ADAMTSL4: variants seen among roughly 807,000 people sequenced by gnomAD.
The protein encoded by ADAMTSL4 is ADAMTS-like protein 4.
A neutral mutation model predicts 122.8 loss-of-function variants in ADAMTSL4; 97 were observed. The observed-to-expected ratio is 0.79, with a 90% confidence interval of 0.67 to 0.93. ADAMTSL4 has a LOEUF of 0.93. Among genes scored for constraint, ADAMTSL4 ranks in the 40% least tolerant of loss-of-function variants. ADAMTSL4 has a pLI of 0.00. For missense variants in ADAMTSL4, 1,408 were observed against 1,453.5 expected, an observed-to-expected ratio of 0.97 and a Z score of 0.51; for synonymous variants, 592 against 568.0, an observed-to-expected ratio of 1.04 and a Z score of -0.60.
chr1:150,555,736 C>G (rs1465836504), intron 8 of ADAMTSL4, among the ~76,000 whole-genome samples, 171 bp downstream of exon 8: 1 of 133,604 alleles, frequency 7.5e-6, no homozygotes, highest in East Asian at 2.2e-4. Context: ...CACACACGCA[C>G]ACACACGCAT....
intron 2 of ADAMTSL4, chr1:150,551,956 T>C (rs1299078981): frequency 3.5e-5 from 13 of 368,262 alleles, no homozygotes; most frequent in Non-Finnish European, 4.9e-5. Context: ...TAGGTAGGAT[T>C]TGGGGAGGAG....
Position 150,557,492 on chromosome 1 carries a change from A to G in ADAMTSL4, c.2048-2A>G. On this transcript the variant is annotated splice_acceptor_variant, in intron 12 of 18. Transcript: ENST00000271643. LOFTEE classifies it high-confidence loss of function. ...TCCCTGGCTGCCTTCTCACCCACTC[A>G]GGTGTCTGGCGCCCCATTTTCCTCT... The G allele has an allele frequency of 6.2e-7, 1 of 1,613,010 alleles. No homozygotes were observed. Among genetic ancestry groups the G allele is most frequent in the African/African-American group, 1.3e-5 (1 of 75,000 alleles).
rs2101625145 is a variant in ADAMTSL4 at position 150,556,424 on chromosome 1, T to C, written c.1576+58T>C. The C allele has an allele frequency of 1.2e-6, 2 of 1,603,618 alleles. No individual in the cohort carries two copies. Among genetic ancestry groups the C allele is most frequent in the Non-Finnish European group, 1.7e-6 (2 of 1,173,294 alleles). On this transcript the variant is annotated intron_variant, in intron 9 of 18. Coordinates refer to ENST00000271643, the MANE Select transcript of ADAMTSL4 (RefSeq NM_019032.6). The surrounding 1 kb of genome is among the most constrained non-coding windows in gnomAD (Gnocchi z 4.1). ...GTCTCTGTTCGGCCCTCCATACCCC[T>C]ACTCAGAGCAGTGAGCAAGCCAAAC...
Position 150,560,563 on chromosome 1 carries a change from CTACT to C in ADAMTSL4, c.*370_*373del, listed in dbSNP as rs1672661967. On this transcript the variant is annotated 3_prime_UTR_variant, in exon 19 of 19. Transcript: ENST00000271643. ...GTCTGCAGTTCCTTGCTAATCTGAG[CTACT>C]TAGAGTGTGGTCTCCCCACCAACTC... is the stretch of plus-strand genomic sequence containing the variant. The C allele has an allele frequency of 1.3e-5, 4 of 313,412 alleles. No individual in the cohort carries two copies. Among genetic ancestry groups the C allele is most frequent in the South Asian group, 1.0e-4 (3 of 28,990 alleles). The allele number at this position is 313,412 out of a possible 1,614,324, so 19.4% of individuals were successfully genotyped here.
In ADAMTSL4 at chr1:150,556,586, C is replaced by T. The variant is rs587757344; in HGVS notation, c.1577-35C>T. On this transcript the variant is annotated intron_variant, in intron 9 of 18. Coordinates refer to ENST00000271643, the MANE Select transcript of ADAMTSL4 (RefSeq NM_019032.6). This position sits in a 1 kb window ranked among gnomAD's most constrained non-coding sequence, Gnocchi z 4.1. Reference sequence around the variant, plus strand: ...GTGGGAGGAGGAAGGTATTATCACCCTGGAATTTCCCGATCTCTCACCTCT... The same window carrying T: ...GTGGGAGGAGGAAGGTATTATCACCTTGGAATTTCCCGATCTCTCACCTCT... 2 of 1,613,604 alleles carry T rather than the reference C, an allele frequency of 1.2e-6. No individual in the cohort carries two copies. Among genetic ancestry groups the T allele is most frequent in the Admixed American group, 1.7e-5 (1 of 60,018 alleles).
At chr1:150,551,120 T>A in intron 2 of ADAMTSL4, 2 of 411,514 alleles carry the variant, frequency 4.9e-6, no homozygotes, top group South Asian at 3.5e-5. Flanking sequence ...GCCTCACTTC[T>A]CCAGTGTTCA....
rs149280379 is a variant in ADAMTSL4 at position 150,558,030 on chromosome 1, G to T, written c.2263G>T (p.Gly755Trp). 148 of 1,609,582 alleles carry T rather than the reference G, an allele frequency of 9.2e-5. 1 individual carries two copies. Among genetic ancestry groups the T allele is most frequent in the Admixed American group, 1.5e-4 (9 of 59,852 alleles). Residue 755 changes from glycine to tryptophan, a missense_variant, in exon 14 of 19, where the codon GGG (glycine) becomes TGG (tryptophan). Gly to Trp is a radical substitution (Grantham distance 184, BLOSUM62 -2). Coordinates refer to ENST00000271643, the MANE Select transcript of ADAMTSL4 (RefSeq NM_019032.6). Reference protein sequence around the residue: ...HRQLQCRQEFGGGGSSVPPER... With the variant: ...HRQLQCRQEFWGGGSSVPPER... ...CCAGCTGCAGTGCCGGCAGGAATTT[G>T]GGGGGGGTGGCTCCTCGGTGCCCCC...
In ADAMTSL4 at chr1:150,554,253, G is replaced by A. The variant is rs1250749257; in HGVS notation, c.1132-112G>A. ...TGGCATCTGACCACCTCAGGGCAGG[G>A]GTCTTGGAGCTCTTCCGCTGACCTG... On this transcript the variant is annotated intron_variant, in intron 6 of 18. Coordinates refer to ENST00000271643, the MANE Select transcript of ADAMTSL4 (RefSeq NM_019032.6). The surrounding 1 kb of genome is among the most constrained non-coding windows in gnomAD (Gnocchi z 4.0). 5 of 1,438,046 alleles carry A rather than the reference G, an allele frequency of 3.5e-6. No homozygotes were observed. The Admixed American group carries it at 5.1e-5, about 15-fold the overall frequency. The allele number at this position is 1,438,046 out of a possible 1,614,324, so 89.1% of individuals were successfully genotyped here.
intron 2 of ADAMTSL4, chr1:150,550,821 C>G (rs1238576756): frequency 2.2e-6 from 1 of 456,506 alleles, no homozygotes; most frequent in Admixed American, 2.3e-5. Context: ...TGACCCCTCC[C>G]TCAAATTCCG....
Position 150,553,144 on chromosome 1 carries a change from G to T in ADAMTSL4, c.325G>T (p.Glu109Ter), listed in dbSNP as rs1253076477. The change falls in exon 5 of 19, where the codon GAA (glutamate) becomes TAA (stop). Residue 109 changes from glutamate to a stop codon, truncating the protein, a stop_gained. Coordinates refer to ENST00000271643, the MANE Select transcript of ADAMTSL4 (RefSeq NM_019032.6). LOFTEE classifies it high-confidence loss of function. Reference protein sequence around the residue: ...GQGPRPQTSPETLPLYRTQSR... With the variant: ...GQGPRPQTSP ...GGGTCCCAGACCCCAGACTTCTCCA[G>T]AAACCCTCCCCTTGTACAGGACACA... 5.0e-6 allele frequency: 8 copies of T among 1,612,824 alleles called. No individual in the cohort carries two copies. The highest frequency in any genetic ancestry group is 6.8e-6 in the Non-Finnish European group (8 of 1,179,656).
rs1179389891 is a variant in ADAMTSL4 at position 150,553,797 on chromosome 1, TAGG to T, written c.809_811del (p.Gly270del). On this transcript the variant is annotated inframe_deletion, in exon 6 of 19. Coordinates refer to ENST00000271643, the MANE Select transcript of ADAMTSL4 (RefSeq NM_019032.6). ...GAGCCCCCCTCACCCACGCACTCCT[TAGG>T]AGAAGGTGGCTTCTTCCGTGCATCC... is the stretch of plus-strand genomic sequence containing the variant. 3.7e-6 allele frequency: 6 copies of T among 1,613,540 alleles called. No homozygotes were observed. In the African/African-American group the frequency reaches 4.0e-5, roughly 11 times the overall value.
chr1:150,553,412 A>T lies in ADAMTSL4; in HGVS notation c.435-14A>T, dbSNP rs1245572407. On this transcript the variant is annotated splice_polypyrimidine_tract_variant and intron_variant, in intron 5 of 18. Transcript: ENST00000271643. ...GGTCAGAGCTGTGCCCCCACATCTG[A>T]AACACCTTCTCAGGTCCCGGCTTCG... The T allele has an allele frequency of 1.2e-6, 2 of 1,613,566 alleles. No homozygotes were observed.
At position 150,559,932 on chromosome 1, in the gene ADAMTSL4, C is replaced by T; in HGVS notation, c.3088+27C>T. 1 of 1,613,830 alleles carries T rather than the reference C, an allele frequency of 6.2e-7. No homozygotes were observed. Among genetic ancestry groups the T allele is most frequent in the Non-Finnish European group, 8.5e-7 (1 of 1,180,020 alleles). The stretch of plus-strand genomic sequence containing the variant: ...TAAAGAGCCCCCTCTCCCCAATCCC[C>T]AATACAGTGGATTAGCTGAAGTATG... On this transcript the variant is annotated intron_variant, in intron 18 of 18. Coordinates refer to ENST00000271643, the MANE Select transcript of ADAMTSL4 (RefSeq NM_019032.6). This position sits in a 1 kb window ranked among gnomAD's most constrained non-coding sequence, Gnocchi z 4.1.
Position 150,558,542 on chromosome 1 carries a change from G to C in ADAMTSL4, c.2452G>C (p.Val818Leu). The C allele has an allele frequency of 6.2e-7, 1 of 1,613,914 alleles. No homozygotes were observed. The highest frequency in any genetic ancestry group is 1.1e-5 in the South Asian group (1 of 91,084). Reference sequence around the variant, plus strand: ...CTGTGTTGGGAACAATGGTGATGAAGTGAGCGAGCAGGAGTGTGCGTCAGG... The same window carrying C: ...CTGTGTTGGGAACAATGGTGATGAACTGAGCGAGCAGGAGTGTGCGTCAGG... ...VRCVGNNGDEVSEQECASGPP... is the reference protein window; with the variant it reads ...VRCVGNNGDELSEQECASGPP... The change falls in exon 15 of 19, where the codon GTG becomes CTG. Residue 818 changes from valine (V) to leucine (L), a missense_variant. Coordinates refer to ENST00000271643, the MANE Select transcript of ADAMTSL4 (RefSeq NM_019032.6).
Position 150,559,726 on chromosome 1 carries a change from G to A in ADAMTSL4, c.2944-35G>A. 3.7e-6 allele frequency: 6 copies of A among 1,613,540 alleles called. No homozygotes were observed. The highest frequency in any genetic ancestry group is 5.1e-6 in the Non-Finnish European group (6 of 1,179,926). On this transcript the variant is annotated intron_variant, in intron 17 of 18. Coordinates refer to ENST00000271643, the MANE Select transcript of ADAMTSL4 (RefSeq NM_019032.6). The surrounding 1 kb of genome is among the most constrained non-coding windows in gnomAD (Gnocchi z 4.1). Reference sequence around the variant, plus strand: ...GGGGTTAAGGAGAATCCCGGGCCTGGCAAAGGTCTGATATGATGGCTGGGG... The same window carrying A: ...GGGGTTAAGGAGAATCCCGGGCCTGACAAAGGTCTGATATGATGGCTGGGG...
chr1:150,560,181 C>T lies in ADAMTSL4; in HGVS notation c.3210C>T (p.Pro1070=). ...GCGCACATGTCCTGGAGCGGTCTCC[C>T]CAGGATCCCTCCTGAAAGGGGTCCG... ...RSCAHVLERS[P]QDPS The change falls in exon 19 of 19, where the codon CCC becomes CCT. Residue 1070 remains proline, a synonymous_variant. Coordinates refer to ENST00000271643, the MANE Select transcript of ADAMTSL4 (RefSeq NM_019032.6). 6.2e-7 allele frequency: 1 copy of T among 1,614,048 alleles called. No homozygotes were observed. The highest frequency in any genetic ancestry group is 2.2e-5 in the East Asian group (1 of 44,876).
Position 150,554,042 on chromosome 1 carries a change from C to T in ADAMTSL4, c.1051C>T (p.Leu351Phe). ...LLSNGPHASS[L>F]WSLFAPSSPI... ...GAGCAACGGCCCCCATGCCAGCTCC[C>T]TCTGGAGCCTCTTTGCTCCCAGTAG... Residue 351 changes from leucine (L) to phenylalanine (F), a missense_variant, in exon 6 of 19, where the codon CTC (leucine) becomes TTC (phenylalanine). Physicochemically the swap from Leu to Phe is conservative, Grantham distance 22. Transcript: ENST00000271643. The surrounding 1 kb of genome is among the most constrained non-coding windows in gnomAD (Gnocchi z 4.0). 6.2e-7 allele frequency: 1 copy of T among 1,609,230 alleles called. No homozygotes were observed. The highest frequency in any genetic ancestry group is 1.1e-5 in the South Asian group (1 of 91,074).
At position 150,557,503 on chromosome 1, in the gene ADAMTSL4, G is replaced by A. The variant is rs746430948; in HGVS notation, c.2057G>A (p.Arg686His). The change falls in exon 13 of 19, where the codon CGC becomes CAC. Residue 686 changes from arginine (R) to histidine (H), a missense_variant. Transcript: ENST00000271643. ...CSASCGKGVW[R>H]PIFLCISRES... ...CTTCTCACCCACTCAGGTGTCTGGC[G>A]CCCCATTTTCCTCTGCATCTCCCGT... 2.5e-5 allele frequency: 40 copies of A among 1,613,004 alleles called. 1 individual carries two copies. Among genetic ancestry groups the A allele is most frequent in the East Asian group, 1.6e-4 (7 of 44,858 alleles).
intron 12 of ADAMTSL4, 67 bp downstream of exon 12, chr1:150,557,402 G>A (rs1451370054): frequency 3.1e-6 from 5 of 1,605,040 alleles, no homozygotes; most frequent in Non-Finnish European, 4.3e-6. Context: ...CCGCATCCTG[G>A]ATTGTGGGGC....
Sources: allele counts gnomAD v4.1 joint callset (sites outside exome capture counted in the v4.1 genomes callset), GRCh38; gene constraint gnomAD v4.1.1; non-coding constraint Gnocchi (gnomAD v3.1); transcripts MANE v1.5; gene names NCBI Gene and HGNC (gene_info 2026-07-23, HGNC 2026-07-21).